Variants in PSD3 observed in about 807,000 individuals in gnomAD.
PSD3 encodes the protein pleckstrin and Sec7 domain containing 3, also known as PH and SEC7 domain-containing protein 3.
PSD3 carries 49 observed loss-of-function variants against 105.5 expected under a neutral mutation model. The ratio of observed to expected loss-of-function variants is 0.46; its 90% CI spans 0.37 to 0.59. The LOEUF (loss-of-function observed/expected upper bound fraction) is 0.59. PSD3 is among the 20% of genes least tolerant of loss of function. PSD3 has a pLI of 0.00. For missense variants in PSD3, 1,561 were observed against 1,263.8 expected (o/e 1.24, Z -3.57); for synonymous variants, 557 against 457.8 (o/e 1.22, Z -2.77).
At chr8:18,690,176 T>G (rs1425697130) in intron 9 of PSD3, among the ~76,000 whole-genome samples, 2 of 152,078 alleles carry the variant, frequency 1.3e-5, no homozygotes, top group Non-Finnish European at 2.9e-5. Context: ...AAAGGAGACA[T>G]GAAAGGACAA....
At chr8:19,013,517 G>A in intron 1 of PSD3, 46 bp downstream of exon 1, 1 of 1,578,248 alleles carries the variant, frequency 6.3e-7, no homozygotes, top group Non-Finnish European at 8.5e-7. Context: ...TCGAACAGCG[G>A]CGCCGCGTGC....
At chr8:18,600,839 CCTTTATAGCTTCTT>C (rs1804388325) in intron 11 of PSD3, among the ~76,000 whole-genome samples, 1 of 152,142 alleles carries the variant, frequency 6.6e-6, no homozygotes. Flanking sequence ...TGTACCAGAG[CCTTTATAGCTTCTT>C]CAGAGACTCT....
At chr8:18,811,336 T>A (rs1178470205) in intron 4 of PSD3, among the ~76,000 whole-genome samples, 1 of 152,234 alleles carries the variant, frequency 6.6e-6, no homozygotes, top group East Asian at 1.9e-4. Context: ...TCTTCTGGTA[T>A]GTCTGTCTTC....
At chr8:18,989,950 G>A (rs1825703373) in intron 1 of PSD3, among the ~76,000 whole-genome samples, 1 of 152,052 alleles carries the variant, frequency 6.6e-6, no homozygotes, top group Non-Finnish European at 1.5e-5. Context: ...CTCAATAAAT[G>A]GCAACTCCAA....
chr8:19,000,131 C>G (rs992628160), intron 1 of PSD3: 1 of 151,292 alleles, frequency 6.6e-6, no homozygotes, highest in African/African-American at 2.4e-5. Flanking sequence ...TGACTCACAC[C>G]TGTAATCCCA....
chr8:18,727,583 C>T (rs1194527911), intron 9 of PSD3, among the ~76,000 whole-genome samples: 1 of 147,588 alleles, frequency 6.8e-6, no homozygotes, highest in African/African-American at 2.5e-5. Flanking sequence ...CACACACACA[C>T]GCACGCACAC....
intron 4 of PSD3, among the ~76,000 whole-genome samples, chr8:18,836,678 G>C (rs1220485818): frequency 2.6e-5 from 4 of 152,016 alleles, no homozygotes; most frequent in African/African-American, 9.7e-5. Flanking sequence ...TTTGCATATA[G>C]CCTACACACA....
intron 4 of PSD3, among the ~76,000 whole-genome samples, chr8:18,846,736 C>T (rs1043406349): frequency 2.0e-5 from 3 of 152,258 alleles, no homozygotes; most frequent in East Asian, 1.9e-4. Flanking sequence ...CCGGCAAAAC[C>T]GACTGGTCTC....
At chr8:18,757,788 A>G (rs1408043823) in intron 9 of PSD3, among the ~76,000 whole-genome samples, 2 of 152,206 alleles carry the variant, frequency 1.3e-5, no homozygotes, top group Non-Finnish European at 2.9e-5. Context: ...CCAGTTTTCA[A>G]TTCTTCAAAA....
At chr8:18,735,489 C>T (rs1454803831) in intron 9 of PSD3, among the ~76,000 whole-genome samples, 2 of 152,142 alleles carry the variant, frequency 1.3e-5, no homozygotes, top group African/African-American at 2.4e-5. Context: ...GCTTTCTTTG[C>T]TGCCTTTACA....
At chr8:19,052,470 C>CAA (rs5889846) in intron 1 of PSD3, among the ~76,000 whole-genome samples, 3 of 116,154 alleles carry the variant, frequency 2.6e-5, no homozygotes, top group East Asian at 2.5e-4. Flanking sequence ...GACTCTGTCT[C>CAA]AAAAAAAAAA....
At chr8:18,771,245 C>A (rs557728156) in intron 8 of PSD3, among the ~76,000 whole-genome samples, 1 of 152,230 alleles carries the variant, frequency 6.6e-6, no homozygotes, top group African/African-American at 2.4e-5. Context: ...TCACTTTGGG[C>A]CACCGCATCA....
At chr8:18,654,011 G>C (rs1431304376) in intron 10 of PSD3, among the ~76,000 whole-genome samples, 1 of 152,068 alleles carries the variant, frequency 6.6e-6, no homozygotes, top group Non-Finnish European at 1.5e-5. Flanking sequence ...TTGTTCATGA[G>C]AAATAAGCCT....
intron 9 of PSD3, among the ~76,000 whole-genome samples, chr8:18,672,641 A>C (rs1367812532): frequency 6.6e-6 from 1 of 152,222 alleles, no homozygotes; most frequent in Non-Finnish European, 1.5e-5. Context: ...AGCACCAACT[A>C]TTATCGGTAT....
At chr8:18,927,015 C>A (rs1333437075) in intron 2 of PSD3, among the ~76,000 whole-genome samples, 3 of 152,044 alleles carry the variant, frequency 2.0e-5, no homozygotes, top group Non-Finnish European at 2.9e-5. Flanking sequence ...AGCTAGAGTG[C>A]CTCACAGAAC....
intron 1 of PSD3, among the ~76,000 whole-genome samples, chr8:18,980,456 G>A (rs73590669): frequency 0.035 from 5,272 of 152,036 alleles, 319 homozygotes; most frequent in African/African-American, 0.12. Context: ...TGGTTGGTTC[G>A]TTGGTTGGTT....
chr8:18,652,022 G>A (rs925871788), intron 10 of PSD3, among the ~76,000 whole-genome samples: 1 of 152,190 alleles, frequency 6.6e-6, no homozygotes, highest in Non-Finnish European at 1.5e-5. Context: ...GAAGAGGAAA[G>A]ATGCTGTTTG....
chr8:18,712,526 T>C (rs1563191526), intron 9 of PSD3, among the ~76,000 whole-genome samples: 2 of 152,030 alleles, frequency 1.3e-5, no homozygotes, highest in South Asian at 2.1e-4. Context: ...CTAGAAGAAA[T>C]GGATATATTC....
At chr8:18,991,579 T>G (rs748082004) in intron 1 of PSD3, among the ~76,000 whole-genome samples, 11 of 152,126 alleles carry the variant, frequency 7.2e-5, no homozygotes, top group African/African-American at 2.2e-4. Context: ...ATTTGTCAAT[T>G]TGGGACACCA....
Sources: gnomAD v4.1 joint callset for allele counts (sites outside exome capture counted in the v4.1 genomes callset) on GRCh38, gnomAD v4.1.1 for gene constraint, MANE v1.5 for transcripts, NCBI Gene and HGNC (gene_info 2026-07-23, HGNC 2026-07-21) for gene names.